Variants in SAMD4B observed in about 807,000 individuals in gnomAD.
SAMD4B encodes the protein protein Smaug homolog 2.
In SAMD4B, 5 loss-of-function variants were observed where a neutral mutation model predicts 74.5. The ratio of observed to expected loss-of-function variants is 0.07; its 90% CI spans 0.04 to 0.14. The LOEUF (loss-of-function observed/expected upper bound fraction) is 0.14, where lower values mean the gene tolerates loss of function less well. Ranked by LOEUF, SAMD4B falls within the 10% of genes least tolerant of loss-of-function variation. SAMD4B has a pLI of 1.00. For missense variants in SAMD4B, 608 were observed against 921.8 expected, an observed-to-expected ratio of 0.66 and a Z score of 4.41; for synonymous variants, 373 against 374.9, an observed-to-expected ratio of 1.00 and a Z score of 0.06.
intron 4 of SAMD4B, among the ~76,000 whole-genome samples, chr19:39,372,556 G>A (rs540598916): frequency 6.6e-4 from 100 of 152,264 alleles, no homozygotes; most frequent in Non-Finnish European, 1.0e-3. Context: ...AGGCAGCTTG[G>A]GTTTGGGGTG....
At chr19:39,343,027 G>A (rs2075414811) in intron 1 of SAMD4B, among the ~76,000 whole-genome samples, 1 of 151,580 alleles carries the variant, frequency 6.6e-6, no homozygotes, top group Admixed American at 6.6e-5. Flanking sequence ...TGGCCCCGAA[G>A]CCCCCGTCCT....
chr19:39,389,897 C>G (rs2078336076), downstream of SAMD4B: 2 of 1,278,054 alleles, frequency 1.6e-6, no homozygotes, highest in Non-Finnish European at 1.1e-6. This position sits in a 1 kb window ranked among gnomAD's most constrained non-coding sequence, Gnocchi z 5.3. Context: ...AAGCTGGCTC[C>G]CCAGTGGGAA....
chr19:39,383,663 T>G lies in SAMD4B; in HGVS notation c.*136T>G. On this transcript the variant is annotated 3_prime_UTR_variant, in exon 14 of 14. Transcript: ENST00000610417. The surrounding 1 kb of genome is among the most constrained non-coding windows in gnomAD (Gnocchi z 4.1). ...CTAATATTTTTCTACTCTCTTACCC[T>G]CTTAACTTTTGTTTAACATTGGCAC... 1 of 1,580,174 alleles carries G rather than the reference T, an allele frequency of 6.3e-7. No homozygotes were observed. Among genetic ancestry groups the G allele is most frequent in the Non-Finnish European group, 8.6e-7 (1 of 1,166,082 alleles).
chr19:39,343,935 G>A (rs372563989), intron 1 of SAMD4B, among the ~76,000 whole-genome samples: 1 of 148,276 alleles, frequency 6.7e-6, no homozygotes, highest in African/African-American at 2.5e-5. Context: ...ACCCCTGTAA[G>A]ACCGTAAGAT....
chr19:39,388,614 A>G, downstream of SAMD4B: 1 of 1,613,998 alleles, frequency 6.2e-7, no homozygotes, highest in Non-Finnish European at 8.5e-7. Flanking sequence ...TCGTTTCTTC[A>G]ACGTCTCTTC....
chr19:39,382,489 C>T (rs1202281266), intron 12 of SAMD4B, among the ~76,000 whole-genome samples: 1 of 151,970 alleles, frequency 6.6e-6, no homozygotes, highest in Non-Finnish European at 1.5e-5. Flanking sequence ...GACATGAGCT[C>T]AGGGTTCAGA....
intron 12 of SAMD4B, 33 bp downstream of exon 12, chr19:39,381,146 C>G (rs544113628): frequency 2.6e-6 from 4 of 1,552,854 alleles, no homozygotes; most frequent in African/African-American, 2.7e-5. Flanking sequence ...CTCTGCCTGG[C>G]CAACATCCTC....
At chr19:39,388,800 A>C, downstream of SAMD4B, 1 of 1,614,192 alleles carries the variant, frequency 6.2e-7, no homozygotes, top group Non-Finnish European at 8.5e-7. Flanking sequence ...ACGCAGCTGC[A>C]CCACTCGTGT....
intron 3 of SAMD4B, among the ~76,000 whole-genome samples, chr19:39,361,884 A>G (rs372644121): frequency 6.6e-5 from 10 of 151,582 alleles, no homozygotes; most frequent in African/African-American, 2.4e-4. Flanking sequence ...CCGAGATCGC[A>G]CCACTGCACT....
At position 39,375,285 on chromosome 19, in the gene SAMD4B, C is replaced by T. The variant is rs1031941544; in HGVS notation, c.668-365C>T. On this transcript the variant is annotated intron_variant, in intron 4 of 13. Coordinates refer to ENST00000610417, the MANE Select transcript of SAMD4B (RefSeq NM_001384574.2). This position sits in a 1 kb window ranked among gnomAD's most constrained non-coding sequence, Gnocchi z 4.1. ...CAGGGATTTGAGCAGGAGTCAGGCT[C>T]GGTCAGATTTGCATTTTTAGAAGGA... Among the ~76,000 whole-genome samples the T allele has an allele frequency of 6.6e-6, 1 of 152,162 alleles. No individual in the cohort carries two copies. The highest frequency in any genetic ancestry group is 2.1e-4 in the South Asian group (1 of 4,834).
intron 2 of SAMD4B, among the ~76,000 whole-genome samples, chr19:39,355,236 A>G (rs921032088): frequency 4.6e-5 from 7 of 152,134 alleles, no homozygotes; most frequent in African/African-American, 1.7e-4. Flanking sequence ...GGGAGGTGAC[A>G]TCTGATTTCC....
At chr19:39,373,388 C>G (rs753604869) in intron 4 of SAMD4B, among the ~76,000 whole-genome samples, 14 of 152,144 alleles carry the variant, frequency 9.2e-5, no homozygotes, top group Non-Finnish European at 1.8e-4. Flanking sequence ...TGTGCCTGAT[C>G]ATGGGATTGC....
chr19:39,342,754 C>T (rs1442434843), intron 1 of SAMD4B, among the ~76,000 whole-genome samples, 178 bp downstream of exon 1: 1 of 151,412 alleles, frequency 6.6e-6, no homozygotes, highest in Admixed American at 6.6e-5. Context: ...CGGGAGAAGC[C>T]CCGCGCCCGT....
chr19:39,354,385 T>C (rs1317045614), intron 2 of SAMD4B, among the ~76,000 whole-genome samples: 1 of 152,238 alleles, frequency 6.6e-6, no homozygotes, highest in African/African-American at 2.4e-5. Flanking sequence ...CAATTTTTTT[T>C]TCTTAAAACA....
intron 1 of SAMD4B, among the ~76,000 whole-genome samples, chr19:39,344,858 A>G (rs30458): frequency 0.28 from 43,221 of 151,930 alleles, 11,878 homozygotes; most frequent in African/African-American, 0.72. Flanking sequence ...TCTTCCCTTC[A>G]GAGATCAAGA....
chr19:39,380,370 T>C lies in SAMD4B; in HGVS notation c.1650-217T>C, dbSNP rs140934701. On this transcript the variant is annotated intron_variant, in intron 10 of 13. Coordinates refer to ENST00000610417, the MANE Select transcript of SAMD4B (RefSeq NM_001384574.2). ...ATAACAGAAATGTCTCCTTTGAGAATTGAAGATTGGAGAACTGTTTTGAGT... is the reference window on the plus strand; with the variant it reads ...ATAACAGAAATGTCTCCTTTGAGAACTGAAGATTGGAGAACTGTTTTGAGT... Among the ~76,000 whole-genome samples, 903 of 152,318 alleles carry C rather than the reference T, an allele frequency of 5.9e-3. 9 individuals are homozygous for C. The highest frequency in any genetic ancestry group is 0.02 in the African/African-American group (849 of 41,576).
At chr19:39,358,270 T>TCAAA (rs962528798) in intron 3 of SAMD4B, among the ~76,000 whole-genome samples, 22 of 152,168 alleles carry the variant, frequency 1.4e-4, no homozygotes, top group Non-Finnish European at 1.5e-4. Flanking sequence ...AAACTCTATC[T>TCAAA]CAAACAAACA....
chr19:39,383,754 A>G lies in SAMD4B; in HGVS notation c.*227A>G, dbSNP rs2078146669. Reference sequence around the variant, plus strand: ...GAGGCCCGGGGAGTTGGGGGCAGCCAGGATAAAGGGGGCAGGGACTGGCCA... The same window carrying G: ...GAGGCCCGGGGAGTTGGGGGCAGCCGGGATAAAGGGGGCAGGGACTGGCCA... On this transcript the variant is annotated 3_prime_UTR_variant, in exon 14 of 14. Coordinates refer to ENST00000610417, the MANE Select transcript of SAMD4B (RefSeq NM_001384574.2). The surrounding 1 kb of genome is among the most constrained non-coding windows in gnomAD (Gnocchi z 4.1). 8 of 1,517,618 alleles carry G rather than the reference A, an allele frequency of 5.3e-6. No homozygotes were observed. Among genetic ancestry groups the G allele is most frequent in the Non-Finnish European group, 6.2e-6 (7 of 1,131,038 alleles). The allele number at this position is 1,517,618 out of a possible 1,614,324, so 94.0% of individuals were successfully genotyped here.
At chr19:39,390,233 C>T (rs753372776), downstream of SAMD4B, 2 of 1,613,844 alleles carry the variant, frequency 1.2e-6, no homozygotes, top group Admixed American at 3.3e-5. Flanking sequence ...TGCCCCACCG[C>T]TCCTGGGAAA....
Sources: gnomAD v4.1 joint callset for allele counts (sites outside exome capture counted in the v4.1 genomes callset) on GRCh38, gnomAD v4.1.1 for gene constraint, Gnocchi (gnomAD v3.1) non-coding constraint, MANE v1.5 for transcripts, NCBI Gene and HGNC (gene_info 2026-07-23, HGNC 2026-07-21) for gene names.